Variants in STK32A observed in about 807,000 individuals in gnomAD.
STK32A encodes serine/threonine kinase 32A, also known as serine/threonine-protein kinase 32A.
STK32A carries 41 observed loss-of-function variants against 53.2 expected under a neutral mutation model. The ratio of observed to expected loss-of-function variants is 0.77; its 90% CI spans 0.60 to 1.00. The LOEUF (loss-of-function observed/expected upper bound fraction) is 1.00. Ranked by LOEUF, STK32A falls within the 50% of genes least tolerant of loss-of-function variation. The probability of loss-of-function intolerance (pLI) is 0.00; values close to 1 mark genes in which losing one functional copy is unlikely to be tolerated. For missense variants in STK32A, 458 were observed against 485.8 expected (o/e 0.94, Z 0.54); for synonymous variants, 166 against 162.8 (o/e 1.02, Z -0.15).
At chr5:147,336,778 C>T (rs183333402) in intron 5 of STK32A, among the ~76,000 whole-genome samples, 1 of 152,212 alleles carries the variant, frequency 6.6e-6, no homozygotes, top group African/African-American at 2.4e-5. Flanking sequence ...TTTTTTGAGA[C>T]CAATAGCCCA....
the STK32A span, chr5:147,394,085 G>T: frequency 6.2e-7 from 1 of 1,614,126 alleles, no homozygotes; most frequent in Non-Finnish European, 8.5e-7. Context: ...GCCACGATGC[G>T]CTTGCTGGCT....
At chr5:147,341,714 G>A (rs1485880931) in intron 5 of STK32A, among the ~76,000 whole-genome samples, 1 of 152,076 alleles carries the variant, frequency 6.6e-6, no homozygotes, top group Non-Finnish European at 1.5e-5. Context: ...GGTAGTTAGT[G>A]AAAAGATTTG....
chr5:147,368,927 A>T (rs769343161), intron 8 of STK32A, among the ~76,000 whole-genome samples: 86 of 152,164 alleles, frequency 5.7e-4, no homozygotes, highest in Non-Finnish European at 9.1e-4. Context: ...AAGAAGAAAC[A>T]CAGAAAAAAG....
chr5:147,270,831 G>A (rs6884545), intron 2 of STK32A, among the ~76,000 whole-genome samples: 89,102 of 151,588 alleles, frequency 0.59, 26,508 homozygotes, highest in African/African-American at 0.67. Context: ...TATGTTTTTG[G>A]TATCAAGAAT....
chr5:147,268,187 T>C (rs2151950043), intron 2 of STK32A, among the ~76,000 whole-genome samples: 1 of 152,358 alleles, frequency 6.6e-6, no homozygotes, highest in East Asian at 1.9e-4. Context: ...ATTTATGTTA[T>C]ATTGCAGTTA....
intron 7 of STK32A, among the ~76,000 whole-genome samples, chr5:147,358,880 T>C (rs1756374274): frequency 6.6e-6 from 1 of 152,172 alleles, no homozygotes; most frequent in South Asian, 2.1e-4. Context: ...TACATAGATA[T>C]TGATCTATAT....
intron 11 of STK32A, among the ~76,000 whole-genome samples, chr5:147,381,261 A>C (rs1233800101): frequency 6.6e-6 from 1 of 152,202 alleles, no homozygotes; most frequent in Non-Finnish European, 1.5e-5. Context: ...TCTGATAAGA[A>C]ATCTGCCCGT....
intron 2 of STK32A, among the ~76,000 whole-genome samples, chr5:147,250,436 T>C (rs920875472): frequency 2.6e-5 from 4 of 152,162 alleles, no homozygotes; most frequent in Non-Finnish European, 5.9e-5. Flanking sequence ...AATCTAGCTA[T>C]GGAAAGTGGA....
intron 2 of STK32A, 28 bp from the exon 3 acceptor site, chr5:147,278,096 C>T: frequency 6.4e-7 from 1 of 1,551,008 alleles, no homozygotes; most frequent in Non-Finnish European, 8.8e-7. Context: ...GATAATTACT[C>T]ATGATATTCT....
chr5:147,279,188 CT>C, intron 3 of STK32A, 58 bp from the exon 4 acceptor site: 1 of 1,518,982 alleles, frequency 6.6e-7, no homozygotes, highest in Non-Finnish European at 8.9e-7. Context: ...TGTTCTGTCT[CT>C]CATCACCATG....
intron 4 of STK32A, among the ~76,000 whole-genome samples, chr5:147,317,011 T>A (rs539266548): frequency 6.6e-6 from 1 of 151,894 alleles, no homozygotes; most frequent in East Asian, 1.9e-4. Context: ...AATTCAAATA[T>A]CACAACCCCT....
chr5:147,312,567 TTA>T (rs1183820804), intron 4 of STK32A, among the ~76,000 whole-genome samples: 2 of 152,208 alleles, frequency 1.3e-5, no homozygotes, highest in Admixed American at 6.5e-5. Flanking sequence ...GTGCGATCAC[TTA>T]TATGTGTTAA....
At chr5:147,296,426 T>C (rs1390489185) in intron 4 of STK32A, among the ~76,000 whole-genome samples, 1 of 151,964 alleles carries the variant, frequency 6.6e-6, no homozygotes, top group Non-Finnish European at 1.5e-5. Context: ...TCCTTTGGGG[T>C]GGACTGTCCG....
At chr5:147,251,054 C>T (rs191283762) in intron 2 of STK32A, among the ~76,000 whole-genome samples, 51 of 151,602 alleles carry the variant, frequency 3.4e-4, no homozygotes, top group African/African-American at 1.1e-3. Context: ...TAATATAATT[C>T]AGCTAAATGT....
At chr5:147,255,449 G>A (rs1057474495) in intron 2 of STK32A, among the ~76,000 whole-genome samples, 16 of 152,292 alleles carry the variant, frequency 1.1e-4, no homozygotes, top group South Asian at 4.1e-4. Context: ...TATTACGGCT[G>A]CGAGGGAAGT....
At chr5:147,355,279 T>A (rs1281847664) in intron 7 of STK32A, among the ~76,000 whole-genome samples, 1 of 152,170 alleles carries the variant, frequency 6.6e-6, no homozygotes, top group African/African-American at 2.4e-5. Context: ...TTTTACAATT[T>A]ATTGTCCTCT....
At chr5:147,302,047 G>A (rs1355549408) in intron 4 of STK32A, among the ~76,000 whole-genome samples, 1 of 152,024 alleles carries the variant, frequency 6.6e-6, no homozygotes, top group Non-Finnish European at 1.5e-5. Flanking sequence ...TCTGATGATG[G>A]GCCTTAAAGT....
chr5:147,254,925 G>A (rs571894452), intron 2 of STK32A, among the ~76,000 whole-genome samples: 2 of 152,240 alleles, frequency 1.3e-5, no homozygotes, highest in Admixed American at 1.3e-4. Flanking sequence ...GGATCACGAG[G>A]TCAGGAGATG....
intron 6 of STK32A, among the ~76,000 whole-genome samples, chr5:147,346,149 A>T (rs1432445381): frequency 1.3e-5 from 2 of 152,194 alleles, no homozygotes; most frequent in African/African-American, 4.8e-5. Context: ...CGTTATGTAG[A>T]GCTGATCTTG....
Sources: gnomAD v4.1 joint callset for allele counts (sites outside exome capture counted in the v4.1 genomes callset) on GRCh38, gnomAD v4.1.1 for gene constraint, MANE v1.5 for transcripts, NCBI Gene and HGNC (gene_info 2026-07-23, HGNC 2026-07-21) for gene names.